Variants in YWHAZ observed in about 807,000 individuals in gnomAD.
YWHAZ encodes tyrosine 3-monooxygenase/tryptophan 5-monooxygenase activation protein zeta, also known as 14-3-3 protein zeta/delta.
For synonymous variants in YWHAZ, 87 were observed against 103.6 expected, an observed-to-expected ratio of 0.84 and a Z score of 0.97; for missense variants, 79 against 284.8, an observed-to-expected ratio of 0.28 and a Z score of 5.20.
At chr8:100,926,181 C>T (rs1813346987) in intron 2 of YWHAZ, among the ~76,000 whole-genome samples, 1 of 149,188 alleles carries the variant, frequency 6.7e-6, no homozygotes. Flanking sequence ...ACAGTTTTAA[C>T]CCAACTTCTT....
At position 100,923,937 on chromosome 8, in the gene YWHAZ, A is replaced by C. The variant is rs144959360; in HGVS notation, c.678+18T>G. ...TCTTCAACCACATTCATCACTAATG[A>C]TGCTGTTATGTACTTACTGTCAAGT... On this transcript the variant is annotated intron_variant, in intron 5 of 5. Coordinates refer to ENST00000395958, the MANE Select transcript of YWHAZ (RefSeq NM_145690.3). 1,311 of 1,589,272 alleles carry C rather than the reference A, an allele frequency of 8.2e-4. 5 individuals are homozygous for C. In the African/African-American group the frequency reaches 0.01, roughly 13 times the overall value.
intron 2 of YWHAZ, among the ~76,000 whole-genome samples, chr8:100,943,317 C>CA (rs1330838437): frequency 1.3e-4 from 20 of 152,112 alleles, no homozygotes; most frequent in African/African-American, 4.6e-4. Flanking sequence ...AGGAATTCTA[C>CA]AAAAAATTCT....
At chr8:100,943,261 T>A (rs1365383333) in intron 2 of YWHAZ, among the ~76,000 whole-genome samples, 1 of 152,138 alleles carries the variant, frequency 6.6e-6, no homozygotes, top group Non-Finnish European at 1.5e-5. Flanking sequence ...CTGTCAAGAG[T>A]AAAGCAAAAG....
At chr8:100,951,406 G>C (rs569068953) in intron 1 of YWHAZ, 1 of 982,520 alleles carries the variant, frequency 1.0e-6, no homozygotes. Context: ...CTGCGCGAGG[G>C]GGAGGGAAAG....
At chr8:100,932,017 C>CA (rs1362942227) in intron 2 of YWHAZ, 1 of 152,198 alleles carries the variant, frequency 6.6e-6, no homozygotes, top group African/African-American at 2.4e-5. Flanking sequence ...ACTATGGAGA[C>CA]AGACTGCTTA....
rs1032327909 is a variant in YWHAZ, at chr8:100,951,971, C to T, written c.-54G>A. ...GGTGGCGGCGGACGGACGGGCTCAG[C>T]AGTCTCTGGGCGGCGGCGGCGGCAG... On this transcript the variant is annotated 5_prime_UTR_variant, in exon 1 of 6. Transcript: ENST00000395958. 2.4e-5 allele frequency: 24 copies of T among 1,004,448 alleles called. No homozygotes were observed. Among genetic ancestry groups the T allele is most frequent in the African/African-American group, 3.5e-5 (2 of 57,350 alleles). 62.2% of individuals were successfully genotyped at this position (1,004,448 alleles called of 1,614,324 possible).
In YWHAZ at chr8:100,948,502, G is replaced by T; in HGVS notation, c.294+94C>A. On this transcript the variant is annotated intron_variant, in intron 2 of 5. Coordinates refer to ENST00000395958, the MANE Select transcript of YWHAZ (RefSeq NM_145690.3). This position sits in a 1 kb window ranked among gnomAD's most constrained non-coding sequence, Gnocchi z 4.2. ...AATTTGGAACACACAATGTTTAGAA[G>T]GAAAAGAAAAACCAAACAAAAAGTT... 1 of 1,377,422 alleles carries T rather than the reference G, an allele frequency of 7.3e-7. No individual in the cohort carries two copies. 85.3% of individuals were successfully genotyped at this position (1,377,422 alleles called of 1,614,324 possible). A position where few individuals can be genotyped will look rare whatever the true frequency, so the allele number is the denominator to read the frequency against.
chr8:100,951,901 G>A (rs1316663074), intron 1 of YWHAZ, 28 bp downstream of exon 1: 17 of 993,506 alleles, frequency 1.7e-5, no homozygotes, highest in Non-Finnish European at 2.0e-5. Context: ...GACAGGAAGC[G>A]AGGCGCGGCG....
upstream of YWHAZ, chr8:100,952,630 C>G: frequency 3.2e-6 from 1 of 310,454 alleles, no homozygotes; most frequent in Non-Finnish European, 4.7e-6. Flanking sequence ...GCCCCAGGGC[C>G]GTCCCCGGGC....
At chr8:100,937,704 T>C (rs185731993) in intron 2 of YWHAZ, among the ~76,000 whole-genome samples, 1 of 152,292 alleles carries the variant, frequency 6.6e-6, no homozygotes, top group African/African-American at 2.4e-5. Flanking sequence ...AGAGAGACAT[T>C]AGGACACAGA....
At chr8:100,931,925 G>GA (rs1433679663) in intron 2 of YWHAZ, 5 of 151,904 alleles carry the variant, frequency 3.3e-5, no homozygotes, top group African/African-American at 1.2e-4. Context: ...AAGAACAAAA[G>GA]AAAAAAGAAC....
rs1393479401 is a variant in YWHAZ, at chr8:100,920,413, T to C, written c.*280A>G. ...TACACTGGCCCTTTTGAAGCCACAA[T>C]GTACCAAAAGTACTATGCCAAACAC... On this transcript the variant is annotated 3_prime_UTR_variant, in exon 6 of 6. Transcript: ENST00000395958. 3.1e-5 allele frequency: 12 copies of C among 388,518 alleles called. No homozygotes were observed. The East Asian group carries it at 5.5e-4, about 18-fold the overall frequency. The allele number at this position is 388,518 out of a possible 1,614,324, so 24.1% of individuals were successfully genotyped here. A position where few individuals can be genotyped will look rare whatever the true frequency, so the allele number is the denominator to read the frequency against.
intron 2 of YWHAZ, among the ~76,000 whole-genome samples, chr8:100,938,562 A>G (rs1004368368): frequency 7.9e-5 from 12 of 152,216 alleles, no homozygotes; most frequent in African/African-American, 2.7e-4. Context: ...CCAACTCTTC[A>G]GCATAGTGTA....
Position 100,916,966 on chromosome 8 carries a change from T to C in YWHAZ, c.*3727A>G, listed in dbSNP as rs746652424. 6.6e-5 allele frequency: 10 copies of C among 152,222 alleles called. No individual in the cohort carries two copies. Among genetic ancestry groups the C allele is most frequent in the Non-Finnish European group, 1.5e-4 (10 of 68,036 alleles). 9.4% of individuals were successfully genotyped at this position (152,222 alleles called of 1,614,324 possible). A position where few individuals can be genotyped will look rare whatever the true frequency, so the allele number is the denominator to read the frequency against. ...CACCACTTTACTATTGTACATATTT[T>C]CAGTTCTACCATAGTATTTCCTATA... is the stretch of plus-strand genomic sequence containing the variant. On this transcript the variant is annotated 3_prime_UTR_variant, in exon 6 of 6. Transcript: ENST00000395958.
At chr8:100,931,999 G>C (rs2130194881) in intron 2 of YWHAZ, 1 of 152,276 alleles carries the variant, frequency 6.6e-6, no homozygotes, top group Middle Eastern at 3.4e-3. Context: ...GACTTGTTAG[G>C]AACACAAACT....
At chr8:100,929,744 G>A (rs138350649) in intron 2 of YWHAZ, among the ~76,000 whole-genome samples, 146 of 152,224 alleles carry the variant, frequency 9.6e-4, no homozygotes, top group African/African-American at 3.5e-3. Flanking sequence ...CAAACTGACC[G>A]AAGAATAACA....
chr8:100,933,400 G>A (rs532727687), intron 2 of YWHAZ, among the ~76,000 whole-genome samples: 28 of 151,438 alleles, frequency 1.8e-4, no homozygotes, highest in Non-Finnish European at 3.1e-4. Context: ...TTTTTGTGAT[G>A]TAATAGACAC....
intron 1 of YWHAZ, 58 bp downstream of exon 1, chr8:100,951,871 C>A: frequency 1.0e-6 from 1 of 989,350 alleles, no homozygotes; most frequent in Non-Finnish European, 1.2e-6. Context: ...GGCTCCCACG[C>A]GTTCGGAAGG....
chr8:100,952,219 G>C, upstream of YWHAZ: 1 of 932,630 alleles, frequency 1.1e-6, no homozygotes, highest in Non-Finnish European at 1.3e-6. Context: ...GCGCTGGAGG[G>C]CGAGCGGAGG....
Sources: allele counts gnomAD v4.1 joint callset (sites outside exome capture counted in the v4.1 genomes callset), GRCh38; gene constraint gnomAD v4.1.1; non-coding constraint Gnocchi (gnomAD v3.1); transcripts MANE v1.5; gene names NCBI Gene and HGNC (gene_info 2026-07-23, HGNC 2026-07-21).